Variants in HS6ST3 observed in about 807,000 individuals in gnomAD.
HS6ST3 encodes heparan sulfate 6-O-sulfotransferase 3, also known as heparan-sulfate 6-O-sulfotransferase 3.
In HS6ST3, 12 loss-of-function variants were observed where a neutral mutation model predicts 36.7. The observed-to-expected ratio is 0.33, with a 90% confidence interval of 0.21 to 0.53. The LOEUF is 0.53. Ranked by LOEUF, HS6ST3 falls within the 20% of genes least tolerant of loss-of-function variation. The pLI is 0.95. For missense variants in HS6ST3, 584 were observed against 640.9 expected (o/e 0.91, Z 0.96); for synonymous variants, 240 against 257.5 (o/e 0.93, Z 0.65).
chr13:96,447,766 A>ATAAC (rs1175565638), intron 1 of HS6ST3, among the ~76,000 whole-genome samples: 2 of 152,192 alleles, frequency 1.3e-5, no homozygotes, highest in Non-Finnish European at 2.9e-5. Flanking sequence ...ACCTCCTCAT[A>ATAAC]TAACTGGCTG....
chr13:96,151,229 C>A (rs1199382735), intron 1 of HS6ST3, among the ~76,000 whole-genome samples: 1 of 152,058 alleles, frequency 6.6e-6, no homozygotes, highest in African/African-American at 2.4e-5. Flanking sequence ...CATGGTGAAA[C>A]CCCATCCCTA....
intron 1 of HS6ST3, among the ~76,000 whole-genome samples, chr13:96,797,723 C>T (rs1297293621): frequency 6.6e-6 from 1 of 152,100 alleles, no homozygotes; most frequent in Non-Finnish European, 1.5e-5. Flanking sequence ...TTTTCCTCCA[C>T]TTTCACCCCA....
chr13:96,402,095 T>C (rs2055455003), intron 1 of HS6ST3, among the ~76,000 whole-genome samples: 1 of 152,178 alleles, frequency 6.6e-6, no homozygotes. Context: ...CACAGCTCAG[T>C]CTCAAGTAGC....
At chr13:96,745,465 G>A (rs895565510) in intron 1 of HS6ST3, among the ~76,000 whole-genome samples, 3 of 152,008 alleles carry the variant, frequency 2.0e-5, no homozygotes, top group Admixed American at 6.6e-5. Flanking sequence ...TTCCATGTCC[G>A]TTTAAAAGAG....
At chr13:96,222,633 G>A (rs1480858066) in intron 1 of HS6ST3, among the ~76,000 whole-genome samples, 1 of 152,212 alleles carries the variant, frequency 6.6e-6, no homozygotes, top group East Asian at 1.9e-4. Context: ...TTCTATAGGA[G>A]TACTGTATTC....
chr13:96,340,404 T>C (rs56925670), intron 1 of HS6ST3, among the ~76,000 whole-genome samples: 7,336 of 152,320 alleles, frequency 0.048, 206 homozygotes, highest in South Asian at 0.1. Context: ...CTACATTTTC[T>C]TCAAATATGA....
intron 1 of HS6ST3, among the ~76,000 whole-genome samples, chr13:96,665,293 C>A (rs1225418776): frequency 6.6e-6 from 1 of 152,122 alleles, no homozygotes; most frequent in East Asian, 1.9e-4. Flanking sequence ...CAATTGAATG[C>A]CTACATTGTG....
At chr13:96,716,512 T>TA (rs2138465193) in intron 1 of HS6ST3, among the ~76,000 whole-genome samples, 1 of 152,276 alleles carries the variant, frequency 6.6e-6, no homozygotes, top group South Asian at 2.1e-4. Context: ...CACTAAGTAA[T>TA]TGCAACTCTC....
At chr13:96,785,651 G>GAACAAC (rs375673374) in intron 1 of HS6ST3, among the ~76,000 whole-genome samples, 2 of 151,996 alleles carry the variant, frequency 1.3e-5, no homozygotes, top group Non-Finnish European at 2.9e-5. Flanking sequence ...GCATGGGCTG[G>GAACAAC]AACAACAACA....
At chr13:96,447,658 A>G (rs920725742) in intron 1 of HS6ST3, among the ~76,000 whole-genome samples, 10 of 152,076 alleles carry the variant, frequency 6.6e-5, no homozygotes, top group Non-Finnish European at 8.8e-5. Flanking sequence ...CTGCATTTCC[A>G]TATTACAAGA....
At chr13:96,174,913 C>T (rs977912970) in intron 1 of HS6ST3, among the ~76,000 whole-genome samples, 1 of 152,038 alleles carries the variant, frequency 6.6e-6, no homozygotes, top group South Asian at 2.1e-4. Flanking sequence ...TCTGTTTTTC[C>T]TGGTGTTTCT....
chr13:96,390,202 T>A (rs1017634071), intron 1 of HS6ST3, among the ~76,000 whole-genome samples: 1 of 152,204 alleles, frequency 6.6e-6, no homozygotes, highest in Non-Finnish European at 1.5e-5. Flanking sequence ...TTCAGACCCA[T>A]AGCATGAATT....
chr13:96,685,299 C>T (rs1174395164), intron 1 of HS6ST3, among the ~76,000 whole-genome samples: 2 of 152,052 alleles, frequency 1.3e-5, no homozygotes, highest in Non-Finnish European at 2.9e-5. Flanking sequence ...CTCATTACCT[C>T]ATTTGGGGTT....
intron 1 of HS6ST3, among the ~76,000 whole-genome samples, chr13:96,799,081 G>C (rs1194179328): frequency 6.6e-6 from 1 of 152,048 alleles, no homozygotes; most frequent in Non-Finnish European, 1.5e-5. Context: ...TCTAAATACA[G>C]TCACATTCTG....
intron 1 of HS6ST3, among the ~76,000 whole-genome samples, chr13:96,442,923 TA>T (rs1236254181): frequency 1.3e-5 from 2 of 152,076 alleles, no homozygotes; most frequent in Non-Finnish European, 2.9e-5. Context: ...TAAATTACAT[TA>T]GGAGACTGGT....
chr13:96,510,369 C>T (rs574094785), intron 1 of HS6ST3, among the ~76,000 whole-genome samples: 1 of 152,196 alleles, frequency 6.6e-6, no homozygotes, highest in South Asian at 2.1e-4. Context: ...TTATTTCTTT[C>T]TCTTGCCTAA....
intron 1 of HS6ST3, among the ~76,000 whole-genome samples, chr13:96,778,180 G>A (rs774876141): frequency 1.5e-4 from 23 of 152,136 alleles, no homozygotes; most frequent in East Asian, 7.7e-4. Context: ...GACTCAAGAC[G>A]GATTAAAGAC....
intron 1 of HS6ST3, among the ~76,000 whole-genome samples, chr13:96,428,820 A>G (rs1426350273): frequency 6.6e-6 from 1 of 152,200 alleles, no homozygotes; most frequent in Non-Finnish European, 1.5e-5. Flanking sequence ...CTTCTTGGCA[A>G]AGTGGAGAAA....
rs1233446769 is a variant in HS6ST3, at chr13:96,112,612, T to C, written c.707+21043T>C. On this transcript the variant is annotated intron_variant, in intron 1 of 1. Coordinates refer to ENST00000376705, the MANE Select transcript of HS6ST3 (RefSeq NM_153456.4). ...ATATATATATATATATATATATATA[T>C]ATATATATATGCCCGGCTGGTGGTG... Among the ~76,000 whole-genome samples, 62 of 120,028 alleles carry C rather than the reference T, an allele frequency of 5.2e-4. 5 individuals are homozygous for C. The highest frequency in any genetic ancestry group is 9.8e-4 in the East Asian group (4 of 4,064). The allele number at this position is 120,028 out of a possible 152,430, so 78.7% of individuals were successfully genotyped here.
Sources: gnomAD v4.1 joint callset for allele counts (sites outside exome capture counted in the v4.1 genomes callset) on GRCh38, gnomAD v4.1.1 for gene constraint, MANE v1.5 for transcripts, NCBI Gene and HGNC (gene_info 2026-07-23, HGNC 2026-07-21) for gene names.